Variants in GALNTL6 observed in about 807,000 individuals in gnomAD.
GALNTL6 encodes polypeptide N-acetylgalactosaminyltransferase-like 6.
A neutral mutation model predicts 73.7 loss-of-function variants in GALNTL6; 46 were observed. The ratio of observed to expected loss-of-function variants is 0.62; its 90% confidence interval spans 0.49 to 0.80. GALNTL6 has a LOEUF of 0.80. Ranked by LOEUF, GALNTL6 falls within the 30% of genes least tolerant of loss-of-function variation. The pLI is 0.00. For synonymous variants in GALNTL6, 259 were observed against 263.7 expected (o/e 0.98, Z 0.17); for missense variants, 604 against 755.0 (o/e 0.80, Z 2.34).
At chr4:172,896,992 G>A (rs1018261902) in intron 8 of GALNTL6, among the ~76,000 whole-genome samples, 5 of 152,204 alleles carry the variant, frequency 3.3e-5, no homozygotes, top group African/African-American at 7.2e-5. Flanking sequence ...GCAGCAAGAG[G>A]CACTGGAGCT....
At chr4:172,788,536 T>G (rs1278685076) in intron 5 of GALNTL6, among the ~76,000 whole-genome samples, 4 of 151,592 alleles carry the variant, frequency 2.6e-5, no homozygotes, top group Non-Finnish European at 5.9e-5. Context: ...GCCGGGCGTG[T>G]TGGCGGGCGC....
chr4:172,996,562 T>C (rs1479989979), intron 10 of GALNTL6, among the ~76,000 whole-genome samples: 1 of 152,204 alleles, frequency 6.6e-6, no homozygotes, highest in Non-Finnish European at 1.5e-5. Flanking sequence ...TTTTTTTAAC[T>C]TAAAAGAAGA....
chr4:171,922,429 T>C (rs1737819595), intron 2 of GALNTL6, among the ~76,000 whole-genome samples: 1 of 152,172 alleles, frequency 6.6e-6, no homozygotes, highest in Non-Finnish European at 1.5e-5. Flanking sequence ...ATTTCACCTT[T>C]TAAAAATGCA....
At chr4:172,664,329 T>A (rs56733854) in intron 5 of GALNTL6, among the ~76,000 whole-genome samples, 2 of 152,204 alleles carry the variant, frequency 1.3e-5, no homozygotes. Flanking sequence ...ATTTTAAAAT[T>A]TCAAACAGCC....
intron 2 of GALNTL6, among the ~76,000 whole-genome samples, chr4:171,972,321 T>C (rs1304054577): frequency 6.6e-6 from 1 of 152,208 alleles, no homozygotes. Context: ...ATGACTATAT[T>C]ATATTTCATA....
intron 5 of GALNTL6, among the ~76,000 whole-genome samples, chr4:172,736,756 G>A (rs1042631615): frequency 6.6e-6 from 1 of 152,204 alleles, no homozygotes; most frequent in African/African-American, 2.4e-5. Flanking sequence ...AAATGTCCTT[G>A]AAATCTTCAC....
intron 5 of GALNTL6, among the ~76,000 whole-genome samples, chr4:172,765,839 A>C (rs548896785): frequency 6.7e-6 from 1 of 148,338 alleles, no homozygotes; most frequent in African/African-American, 2.5e-5. Flanking sequence ...TTCAGACAAA[A>C]CTTTCCCAAA....
intron 2 of GALNTL6, among the ~76,000 whole-genome samples, chr4:171,826,277 A>G (rs1734822630): frequency 6.6e-6 from 1 of 152,160 alleles, no homozygotes; most frequent in South Asian, 2.1e-4. Context: ...GACTCATGTC[A>G]TAAAACCAGA....
At chr4:172,897,877 T>G (rs1397800790) in intron 8 of GALNTL6, among the ~76,000 whole-genome samples, 2 of 152,182 alleles carry the variant, frequency 1.3e-5, no homozygotes, top group African/African-American at 4.8e-5. Flanking sequence ...AGAAACTACT[T>G]CCTTCCAATC....
At chr4:172,281,992 G>T (rs2111081104) in intron 3 of GALNTL6, among the ~76,000 whole-genome samples, 1 of 151,126 alleles carries the variant, frequency 6.6e-6, no homozygotes, top group African/African-American at 2.4e-5. Flanking sequence ...AATTAAAATT[G>T]TCATAAAATT....
intron 8 of GALNTL6, among the ~76,000 whole-genome samples, chr4:172,912,093 G>C (rs1324725838): frequency 6.6e-6 from 1 of 152,056 alleles, no homozygotes; most frequent in Non-Finnish European, 1.5e-5. Flanking sequence ...AAGTCAGTTT[G>C]CCCCCCACAC....
chr4:172,064,743 C>T (rs1441071364), intron 2 of GALNTL6, among the ~76,000 whole-genome samples: 1 of 152,102 alleles, frequency 6.6e-6, no homozygotes, highest in Non-Finnish European at 1.5e-5. Flanking sequence ...TATTCTCCCT[C>T]CTTGCCACAG....
intron 8 of GALNTL6, among the ~76,000 whole-genome samples, chr4:172,896,980 C>G (rs1746364933): frequency 6.6e-6 from 1 of 152,218 alleles, no homozygotes; most frequent in African/African-American, 2.4e-5. Flanking sequence ...AATTCCCCAA[C>G]TGCAGCAAGA....
chr4:172,361,882 A>G (rs555264632), intron 5 of GALNTL6, among the ~76,000 whole-genome samples: 10 of 152,256 alleles, frequency 6.6e-5, no homozygotes, highest in African/African-American at 1.9e-4. Context: ...AACAAGTTAT[A>G]TATCTTACTT....
chr4:172,930,947 G>A, intron 8 of GALNTL6, among the ~76,000 whole-genome samples: 1 of 152,170 alleles, frequency 6.6e-6, no homozygotes, highest in Non-Finnish European at 1.5e-5. Flanking sequence ...TTATAAGCAT[G>A]AACCACTGCA....
chr4:172,133,793 G>C (rs1013443860), intron 2 of GALNTL6, among the ~76,000 whole-genome samples: 1 of 152,168 alleles, frequency 6.6e-6, no homozygotes, highest in Admixed American at 6.5e-5. Context: ...TATAATAAAA[G>C]CTATAAAATG....
chr4:171,967,447 G>GTTTTTTTTTTTTTGTT (rs1560863060), intron 2 of GALNTL6, among the ~76,000 whole-genome samples: 13 of 14,298 alleles, frequency 9.1e-4, no homozygotes, highest in Non-Finnish European at 3.1e-3. Context: ...CCCCCTATGG[G>GTTTTTTTTTTTTTGTT]TTTTTTTTTT....
intron 7 of GALNTL6, among the ~76,000 whole-genome samples, chr4:172,860,007 A>G (rs1446821287): frequency 6.6e-6 from 1 of 152,238 alleles, no homozygotes; most frequent in African/African-American, 2.4e-5. Flanking sequence ...TGTCATAATA[A>G]TAGAAATAAA....
chr4:172,564,302 A>T (rs1328748598), intron 5 of GALNTL6, among the ~76,000 whole-genome samples: 1 of 152,220 alleles, frequency 6.6e-6, no homozygotes, highest in African/African-American at 2.4e-5. Flanking sequence ...AGAAGAAAAA[A>T]GGTTGAGATA....
Sources: allele counts gnomAD v4.1 joint callset (sites outside exome capture counted in the v4.1 genomes callset), GRCh38; gene constraint gnomAD v4.1.1; transcripts MANE v1.5; gene names NCBI Gene and HGNC (gene_info 2026-07-23, HGNC 2026-07-21).